The following PID1 variants were observed in gnomAD, a reference collection of about 807,000 sequenced individuals.
PID1 encodes the protein phosphotyrosine interaction domain containing 1.
In PID1, 10 loss-of-function variants were observed where a neutral mutation model predicts 19.1. That is an observed-to-expected ratio of 0.52 (90% CI 0.32 to 0.89). The LOEUF is 0.89. Ranked by LOEUF, PID1 falls within the 40% of genes least tolerant of loss-of-function variation. The pLI is 0.03. For synonymous variants in PID1, 130 were observed against 116.0 expected (o/e 1.12, Z -0.78); for missense variants, 248 against 285.3 (o/e 0.87, Z 0.94).
At chr2:229,241,111 C>CA (rs1204380154) in intron 1 of PID1, among the ~76,000 whole-genome samples, 1 of 152,090 alleles carries the variant, frequency 6.6e-6, no homozygotes, top group East Asian at 1.9e-4. Context: ...CTCCTTATGA[C>CA]AAAATCCTTA....
intron 1 of PID1, among the ~76,000 whole-genome samples, chr2:229,174,306 G>A (rs941282993): frequency 5.3e-5 from 8 of 152,150 alleles, no homozygotes; most frequent in Admixed American, 2.0e-4. Flanking sequence ...AATTCAATAA[G>A]TAGTTTATGG....
rs10198919 is a variant in PID1, at chr2:229,044,360, C to T, written c.178-18252G>A. The stretch of plus-strand genomic sequence containing the variant: ...CAGAGCTGGTGCTGAGTTAGCTCCT[C>T]TCTGCCCATCCCACCAAGAAAAAGG... On this transcript the variant is annotated intron_variant, in intron 2 of 2. Coordinates refer to ENST00000392055, the MANE Select transcript of PID1 (RefSeq NM_001100818.2). 3.3e-3 allele frequency among the ~76,000 whole-genome samples: 502 copies of T among 152,192 alleles called. 3 individuals carry two copies. Among genetic ancestry groups the T allele is most frequent in the African/African-American group, 0.011 (475 of 41,520 alleles).
At chr2:229,258,282 C>A (rs1343226861) in intron 1 of PID1, among the ~76,000 whole-genome samples, 1 of 152,214 alleles carries the variant, frequency 6.6e-6, no homozygotes, top group African/African-American at 2.4e-5. Flanking sequence ...TGGATTTGTT[C>A]TCTTGCTCAA....
chr2:229,239,998 C>T (rs1413182076), intron 1 of PID1, among the ~76,000 whole-genome samples: 1 of 151,908 alleles, frequency 6.6e-6, no homozygotes, highest in Non-Finnish European at 1.5e-5. Context: ...CTAAATAGTC[C>T]AACAAGGCAA....
chr2:229,210,779 A>G (rs777737555), intron 1 of PID1, among the ~76,000 whole-genome samples: 1 of 152,162 alleles, frequency 6.6e-6, no homozygotes, highest in Non-Finnish European at 1.5e-5. Context: ...CCATCCTTCC[A>G]GGCAAGCTCT....
At chr2:229,257,541 G>A (rs1368420885) in intron 1 of PID1, among the ~76,000 whole-genome samples, 1 of 152,180 alleles carries the variant, frequency 6.6e-6, no homozygotes, top group Non-Finnish European at 1.5e-5. Context: ...GTTGACAGGG[G>A]ATTCTCGGTT....
At chr2:229,259,274 T>G (rs1300688341) in intron 1 of PID1, among the ~76,000 whole-genome samples, 6 of 152,210 alleles carry the variant, frequency 3.9e-5, no homozygotes, top group Admixed American at 3.9e-4. Flanking sequence ...TCCTTTAATA[T>G]ATACATGAGA....
rs979564419 is a variant in PID1, at chr2:229,131,204, TTCTTTTCTTTTCTTTTC to T, written c.177+24597_177+24613del. Among the ~76,000 whole-genome samples the T allele has an allele frequency of 6.6e-5, 10 of 151,978 alleles. No individual in the cohort carries two copies. In the East Asian group the frequency reaches 1.9e-3, roughly 29 times the overall value. On this transcript the variant is annotated intron_variant, in intron 2 of 2. Coordinates refer to ENST00000392055, the MANE Select transcript of PID1 (RefSeq NM_001100818.2). ...TTTAAATAAATACTACATTTTTCTT[TTCTTTTCTTTTCTTTTC>T]TCTTTTCTTTTCTTCTCTTTTTTTT...
At chr2:229,085,101 T>C (rs1008070584) in intron 2 of PID1, among the ~76,000 whole-genome samples, 2 of 152,148 alleles carry the variant, frequency 1.3e-5, no homozygotes, top group South Asian at 2.1e-4. Flanking sequence ...CCATATTTTT[T>C]CTTTAAATAA....
At chr2:229,096,509 A>C (rs918959656) in intron 2 of PID1, among the ~76,000 whole-genome samples, 2 of 152,132 alleles carry the variant, frequency 1.3e-5, no homozygotes, top group Non-Finnish European at 1.5e-5. Flanking sequence ...ACTAAGCTTG[A>C]CCATGTGACA....
chr2:229,244,744 A>G (rs1002070602), intron 1 of PID1: 4 of 152,126 alleles, frequency 2.6e-5, no homozygotes, highest in Non-Finnish European at 5.9e-5. Flanking sequence ...TACTTTGTTA[A>G]AAGTAAAACC....
intron 1 of PID1, among the ~76,000 whole-genome samples, chr2:229,186,370 C>A (rs1044683961): frequency 4.6e-5 from 7 of 152,186 alleles, no homozygotes; most frequent in South Asian, 2.1e-4. Flanking sequence ...TTAGGTGACA[C>A]CCCAGTAGGG....
chr2:229,102,151 C>T (rs1030297691), intron 2 of PID1, among the ~76,000 whole-genome samples: 6 of 152,082 alleles, frequency 3.9e-5, no homozygotes, highest in East Asian at 1.9e-4. Flanking sequence ...AAAGGAAGAT[C>T]GCTAAGCTAA....
intron 2 of PID1, among the ~76,000 whole-genome samples, chr2:229,048,719 T>C (rs1276288970): frequency 6.6e-6 from 1 of 152,220 alleles, no homozygotes; most frequent in Non-Finnish European, 1.5e-5. Context: ...TTTTAACTTT[T>C]CTAAATGTAA....
chr2:229,229,097 T>C, intron 1 of PID1, among the ~76,000 whole-genome samples: 1 of 152,204 alleles, frequency 6.6e-6, no homozygotes, highest in Non-Finnish European at 1.5e-5. Context: ...CTTGGAGCTA[T>C]CACTAAGTCT....
At chr2:229,056,720 C>T (rs1248092207) in intron 2 of PID1, among the ~76,000 whole-genome samples, 1 of 151,662 alleles carries the variant, frequency 6.6e-6, no homozygotes, top group Non-Finnish European at 1.5e-5. Context: ...AAAAGGTGTT[C>T]ACACATTTCT....
intron 2 of PID1, among the ~76,000 whole-genome samples, chr2:229,106,254 A>G (rs1400711207): frequency 6.6e-6 from 1 of 152,196 alleles, no homozygotes; most frequent in Admixed American, 6.5e-5. Flanking sequence ...ACTATCACTC[A>G]TAAAAATCCA....
chr2:229,082,521 G>A lies in PID1; in HGVS notation c.178-56413C>T, dbSNP rs113874955. Among the ~76,000 whole-genome samples, 899 of 152,266 alleles carry A rather than the reference G, an allele frequency of 5.9e-3. 14 individuals carry two copies. The highest frequency in any genetic ancestry group is 0.021 in the African/African-American group (873 of 41,558). The stretch of plus-strand genomic sequence containing the variant: ...CATATGAATTTTGTTTTTAAAAACC[G>A]AAAATTTTCTCTTGCTGTAACAAAG... On this transcript the variant is annotated intron_variant, in intron 2 of 2. Transcript: ENST00000392055.
At chr2:229,202,307 C>T (rs186233923) in intron 1 of PID1, among the ~76,000 whole-genome samples, 39 of 152,094 alleles carry the variant, frequency 2.6e-4, no homozygotes, top group Non-Finnish European at 3.1e-4. Flanking sequence ...GAATCCAGGG[C>T]GGGCATCGAT....
Sources: allele counts gnomAD v4.1 joint callset (sites outside exome capture counted in the v4.1 genomes callset), GRCh38; gene constraint gnomAD v4.1.1; transcripts MANE v1.5; gene names NCBI Gene and HGNC (gene_info 2026-07-23, HGNC 2026-07-21).